SRSF4: variants seen among roughly 807,000 people sequenced by gnomAD.
The protein encoded by SRSF4 is serine/arginine-rich splicing factor 4.
In SRSF4, 12 loss-of-function variants were observed where a neutral mutation model predicts 48.8. The observed-to-expected ratio is 0.25, with a 90% confidence interval of 0.16 to 0.40. The LOEUF (loss-of-function observed/expected upper bound fraction) is 0.40. Among genes scored for constraint, SRSF4 ranks in the 10% least tolerant of loss-of-function variants. The pLI is 1.00. For synonymous variants in SRSF4, 248 were observed against 232.5 expected, an observed-to-expected ratio of 1.07 and a Z score of -0.61; for missense variants, 466 against 667.1, an observed-to-expected ratio of 0.70 and a Z score of 3.32.
At chr1:29,172,289 CTTTTAT>C (rs1235480703) in intron 1 of SRSF4, 1 of 151,876 alleles carries the variant, frequency 6.6e-6, no homozygotes, top group Non-Finnish European at 1.5e-5. Flanking sequence ...AAATTAGCAT[CTTTTAT>C]TTTTATTTTT....
intron 3 of SRSF4, 79 bp from the exon 4 acceptor site, chr1:29,154,989 C>A: frequency 7.4e-7 from 1 of 1,345,552 alleles, no homozygotes; most frequent in Non-Finnish European, 1.0e-6. Flanking sequence ...GTGAATTTTT[C>A]CTTTAAGAAA....
Position 29,149,153 on chromosome 1 carries a change from T to C in SRSF4, c.742A>G (p.Arg248Gly). ...CGGCTCTTTTCCTTGCTGGGGCTCCTGCTTTTCTCTTTCTTGCTCCGGCTC... is the reference window on the plus strand; with the variant it reads ...CGGCTCTTTTCCTTGCTGGGGCTCCCGCTTTTCTCTTTCTTGCTCCGGCTC... ...SRSRSKKEKSRSPSKEKSRSR... is the reference protein window; with the variant it reads ...SRSRSKKEKSGSPSKEKSRSR... Residue 248 changes from arginine (R) to glycine (G), a missense_variant, in exon 6 of 6, where the codon AGG becomes GGG. By Grantham distance (125) the Arg-to-Gly change is moderately radical. This residue lies in a region of SRSF4 where 402 missense variants were observed against 437.0 expected (regional missense o/e 0.92). Transcript: ENST00000373795. The C allele has an allele frequency of 6.2e-7, 1 of 1,609,680 alleles. No individual in the cohort carries two copies. Among genetic ancestry groups the C allele is most frequent in the Non-Finnish European group, 8.5e-7 (1 of 1,177,234 alleles).
intron 4 of SRSF4, chr1:29,154,433 G>T (rs1672467120): frequency 4.7e-6 from 2 of 424,696 alleles, no homozygotes; most frequent in Admixed American, 4.1e-5. Context: ...CTGACCTTGT[G>T]ATGCGCCCAC....
At chr1:29,150,244 G>A (rs1345182699) in intron 4 of SRSF4, 52 bp from the exon 5 acceptor site, 2 of 1,277,168 alleles carry the variant, frequency 1.6e-6, no homozygotes, top group Non-Finnish European at 2.3e-6. Flanking sequence ...CTGCTGATGA[G>A]CATCAATCAA....
At chr1:29,176,106 G>A (rs1453099679) in intron 1 of SRSF4, among the ~76,000 whole-genome samples, 1 of 152,056 alleles carries the variant, frequency 6.6e-6, no homozygotes, top group African/African-American at 2.4e-5. Context: ...CAAAAAATTA[G>A]CCGGGCGTGG....
chr1:29,170,232 C>G (rs1672727743), intron 1 of SRSF4: 3 of 152,064 alleles, frequency 2.0e-5, no homozygotes, highest in Admixed American at 6.6e-5. Flanking sequence ...AAGACTCAAC[C>G]ACAAATTAAA....
intron 1 of SRSF4, among the ~76,000 whole-genome samples, chr1:29,178,189 C>A (rs928826086): frequency 2.6e-5 from 4 of 151,978 alleles, no homozygotes; most frequent in Non-Finnish European, 5.9e-5. Context: ...TGTGAGCCAC[C>A]GTGACCGGTC....
In SRSF4 at chr1:29,154,580, T is replaced by C. The variant is rs772850605; in HGVS notation, c.578+116A>G. Reference sequence around the variant, plus strand: ...ATGTTCAGTTCAAAATTCTAAGTTATTGAACCAGATGGAATCATGTTATTA... The same window carrying C: ...ATGTTCAGTTCAAAATTCTAAGTTACTGAACCAGATGGAATCATGTTATTA... On this transcript the variant is annotated intron_variant, in intron 4 of 5. Coordinates refer to ENST00000373795, the MANE Select transcript of SRSF4 (RefSeq NM_005626.5). The C allele has an allele frequency of 6.5e-5, 64 of 986,644 alleles. No individual in the cohort carries two copies. In the Admixed American group the frequency reaches 1.5e-3, roughly 23 times the overall value. The allele number at this position is 986,644 out of a possible 1,614,324, so 61.1% of individuals were successfully genotyped here.
chr1:29,160,844 A>ACCAAGACATATATAATAATGCTAATAATC (rs1490397743), intron 1 of SRSF4, among the ~76,000 whole-genome samples: 2 of 152,274 alleles, frequency 1.3e-5, no homozygotes, highest in African/African-American at 4.8e-5. Flanking sequence ...ATATAATGCT[A>ACCAAGACATATATAATAATGCTAATAATC]CAAGACATAT....
In SRSF4 at chr1:29,148,741, TCTCGCTTGCTGC is replaced by T. The variant is rs747271480; in HGVS notation, c.1142_1153del (p.Gly381_Arg384del). 4.3e-6 allele frequency: 7 copies of T among 1,613,680 alleles called. No individual in the cohort carries two copies. The highest frequency in any genetic ancestry group is 5.9e-6 in the Non-Finnish European group (7 of 1,179,894). ...CTTCTTGCTGCTGCCCGCCTTGCTGTCTCGCTTGCTGCCTCGCTTTCTGCTCCTCTCACTCTT... is the reference window on the plus strand; with the variant it reads ...CTTCTTGCTGCTGCCCGCCTTGCTGTCTCGCTTTCTGCTCCTCTCACTCTT... On this transcript the variant is annotated inframe_deletion, in exon 6 of 6. Coordinates refer to ENST00000373795, the MANE Select transcript of SRSF4 (RefSeq NM_005626.5).
chr1:29,167,425 C>T (rs566229598), intron 1 of SRSF4, among the ~76,000 whole-genome samples: 5 of 152,238 alleles, frequency 3.3e-5, no homozygotes, highest in Non-Finnish European at 5.9e-5. Flanking sequence ...CGCTCTGTTG[C>T]CCAGGCTGGA....
In SRSF4 at chr1:29,181,859, G is replaced by A. The variant is rs1001223329; in HGVS notation, c.-107C>T. ...GCGGCGGCGGCAACGGGCGGGCGGCGGGACGGACGCAGCCGAACCCCGGCG... is the reference window on the plus strand; with the variant it reads ...GCGGCGGCGGCAACGGGCGGGCGGCAGGACGGACGCAGCCGAACCCCGGCG... On this transcript the variant is annotated 5_prime_UTR_variant, in exon 1 of 6. Transcript: ENST00000373795. 4 of 929,196 alleles carry A rather than the reference G, an allele frequency of 4.3e-6. No individual in the cohort carries two copies. Among genetic ancestry groups the A allele is most frequent in the Middle Eastern group, 3.3e-4 (1 of 3,036 alleles). The allele number at this position is 929,196 out of a possible 1,614,324, so 57.6% of individuals were successfully genotyped here.
intron 1 of SRSF4, chr1:29,171,188 G>A (rs1467075520): frequency 6.6e-6 from 1 of 151,896 alleles, no homozygotes; most frequent in Non-Finnish European, 1.5e-5. Flanking sequence ...GCCTGAGGAG[G>A]AGAATCACTA....
intron 1 of SRSF4, chr1:29,166,931 A>G (rs1368252023): frequency 6.6e-6 from 1 of 152,090 alleles, no homozygotes; most frequent in African/African-American, 2.4e-5. Context: ...AAGAAAACCT[A>G]CCTCATGATT....
chr1:29,150,290 G>A (rs1395616439), intron 4 of SRSF4, 98 bp from the exon 5 acceptor site: 4 of 605,168 alleles, frequency 6.6e-6, no homozygotes, highest in Non-Finnish European at 9.4e-6. Context: ...TTTAGATGGA[G>A]TTTCACTCTT....
At chr1:29,174,607 T>A (rs1165679035) in intron 1 of SRSF4, among the ~76,000 whole-genome samples, 1 of 149,836 alleles carries the variant, frequency 6.7e-6, no homozygotes, top group Non-Finnish European at 1.5e-5. Context: ...ATAGTATGAT[T>A]CCAAGTTTGG....
chr1:29,148,312 T>G lies in SRSF4; in HGVS notation c.*98A>C. 1 of 1,466,132 alleles carries G rather than the reference T, an allele frequency of 6.8e-7. No individual in the cohort carries two copies. Among genetic ancestry groups the G allele is most frequent in the Non-Finnish European group, 9.3e-7 (1 of 1,071,930 alleles). 90.8% of individuals were successfully genotyped at this position (1,466,132 alleles called of 1,614,324 possible). ...GACACACCATTAGGGGAGTTAAAAA[T>G]GTACAGCAGTGACATGTTCTACTCC... is the stretch of plus-strand genomic sequence containing the variant. On this transcript the variant is annotated 3_prime_UTR_variant, in exon 6 of 6. Transcript: ENST00000373795.
chr1:29,166,623 T>A (rs1404015880), intron 1 of SRSF4: 1 of 152,264 alleles, frequency 6.6e-6, no homozygotes. Context: ...CTGAGATCCT[T>A]TCCTTTCTTG....
At chr1:29,174,702 T>A (rs1230106856) in intron 1 of SRSF4, among the ~76,000 whole-genome samples, 1 of 125,222 alleles carries the variant, frequency 8.0e-6, no homozygotes. Flanking sequence ...TTTGATGGAG[T>A]CTTGCTCCAT....
Sources: allele counts gnomAD v4.1 joint callset (sites outside exome capture counted in the v4.1 genomes callset), GRCh38; gene constraint gnomAD v4.1.1; regional missense constraint gnomAD v4.1.1; transcripts MANE v1.5; gene names NCBI Gene and HGNC (gene_info 2026-07-23, HGNC 2026-07-21).